Variants in LIMCH1 observed in about 807,000 individuals in gnomAD.
LIMCH1 encodes the protein LIM and calponin homology domains-containing protein 1.
Under a neutral mutation model 176.5 loss-of-function variants are expected in LIMCH1, and 113 were observed. The ratio of observed to expected loss-of-function variants is 0.64; its 90% CI spans 0.55 to 0.75. The LOEUF is 0.75. LIMCH1 is among the 30% of genes least tolerant of loss of function. The pLI is 0.00. For missense variants in LIMCH1, 1,674 were observed against 1,814.9 expected (o/e 0.92, Z 1.41); for synonymous variants, 619 against 645.9 (o/e 0.96, Z 0.63).
intron 1 of LIMCH1, among the ~76,000 whole-genome samples, chr4:41,478,033 A>G (rs888132649): frequency 2.6e-5 from 4 of 152,212 alleles, no homozygotes; most frequent in Non-Finnish European, 4.4e-5. Context: ...TCTGAGTACA[A>G]CTAAGTGGAA....
At chr4:41,680,405 G>A (rs1325823801) in intron 24 of LIMCH1, among the ~76,000 whole-genome samples, 1 of 152,178 alleles carries the variant, frequency 6.6e-6, no homozygotes, top group African/African-American at 2.4e-5. Flanking sequence ...GAAATAATCA[G>A]TTCCATTCAT....
At chr4:41,614,386 C>T (rs1326335954) in intron 5 of LIMCH1, among the ~76,000 whole-genome samples, 1 of 152,084 alleles carries the variant, frequency 6.6e-6, no homozygotes, top group Non-Finnish European at 1.5e-5. Context: ...TTATCTTGTA[C>T]CTTTGTACTT....
At chr4:41,376,163 A>G (rs1392288589) in intron 1 of LIMCH1, among the ~76,000 whole-genome samples, 1 of 152,168 alleles carries the variant, frequency 6.6e-6, no homozygotes, top group African/African-American at 2.4e-5. Flanking sequence ...TGTTAATAGA[A>G]CGAAATGTAC....
intron 1 of LIMCH1, among the ~76,000 whole-genome samples, chr4:41,593,511 T>TA (rs2152728985): frequency 6.6e-6 from 1 of 152,338 alleles, no homozygotes; most frequent in South Asian, 2.1e-4. Flanking sequence ...AATAGATTTT[T>TA]ACCAATGAAG....
At chr4:41,534,642 G>T (rs2152452746), upstream of LIMCH1, among the ~76,000 whole-genome samples, 1 of 152,292 alleles carries the variant, frequency 6.6e-6, no homozygotes, top group South Asian at 2.1e-4. Flanking sequence ...AATTGGACTA[G>T]GTTAATGGAT....
At chr4:41,685,675 T>C (rs768579144) in intron 27 of LIMCH1, 35 bp from the exon 28 acceptor site, 1 of 1,611,050 alleles carries the variant, frequency 6.2e-7, no homozygotes, top group South Asian at 1.1e-5. Flanking sequence ...GTGATTTTAC[T>C]GTGCACTACA....
At chr4:41,678,599 T>C (rs1713032135) in intron 23 of LIMCH1, among the ~76,000 whole-genome samples, 1 of 152,140 alleles carries the variant, frequency 6.6e-6, no homozygotes, top group African/African-American at 2.4e-5. Flanking sequence ...TGCCAAGGGG[T>C]GACCCTGGTA....
At chr4:41,555,730 A>G (rs949566847) in intron 1 of LIMCH1, among the ~76,000 whole-genome samples, 1 of 152,092 alleles carries the variant, frequency 6.6e-6, no homozygotes, top group Non-Finnish European at 1.5e-5. Flanking sequence ...CTGAGGTGAA[A>G]GACTGTAGAG....
intron 1 of LIMCH1, among the ~76,000 whole-genome samples, chr4:41,571,850 G>A (rs529476918): frequency 1.2e-3 from 186 of 152,224 alleles, no homozygotes; most frequent in African/African-American, 4.1e-3. Context: ...CAAGGATGTC[G>A]AAAACCATTG....
rs190312254 is a variant in LIMCH1 at position 41,573,456 on chromosome 4, T to C, written c.-240-25464T>C. ...CTCTGTATGTTGATATGTATGTAAATGACATGGTTGAGGTTACACTGTGCA... is the reference window on the plus strand; with the variant it reads ...CTCTGTATGTTGATATGTATGTAAACGACATGGTTGAGGTTACACTGTGCA... On this transcript the variant is annotated intron_variant, in intron 1 of 31. Coordinates refer to ENST00000503057, the MANE Select transcript of LIMCH1 (RefSeq NM_001330672.2). Among the ~76,000 whole-genome samples, 676 of 152,346 alleles carry C rather than the reference T, an allele frequency of 4.4e-3. 3 individuals are homozygous for C. The highest frequency in any genetic ancestry group is 0.016 in the African/African-American group (655 of 41,574).
intron 1 of LIMCH1, among the ~76,000 whole-genome samples, chr4:41,390,091 C>T (rs569495904): frequency 6.6e-6 from 1 of 152,188 alleles, no homozygotes; most frequent in South Asian, 2.1e-4. Flanking sequence ...CTACAGAGCA[C>T]ATGACATTCC....
rs969063428 is a variant in LIMCH1, at chr4:41,485,245, C to T, written c.97-9291C>T. Among the ~76,000 whole-genome samples, 3 of 152,184 alleles carry T rather than the reference C, an allele frequency of 2.0e-5. No individual in the cohort carries two copies. In the East Asian group the frequency reaches 5.8e-4, roughly 29 times the overall value. The stretch of plus-strand genomic sequence containing the variant: ...AGTCCTGTGGAAAGGAAATAGGATA[C>T]AGATGAGCTTCCTCAATAATTACTT... On this transcript the variant is annotated intron_variant, in intron 1 of 26. Transcript: ENST00000313860.
intron 1 of LIMCH1, among the ~76,000 whole-genome samples, chr4:41,418,127 C>T (rs998253362): frequency 6.6e-6 from 1 of 152,156 alleles, no homozygotes; most frequent in African/African-American, 2.4e-5. Context: ...ATTTGACTTT[C>T]ATTTATCATA....
rs78694876 is a variant in LIMCH1 at position 41,524,218 on chromosome 4, G to A, written c.168-191G>A. 8.2e-3 allele frequency among the ~76,000 whole-genome samples: 1,254 copies of A among 152,190 alleles called. 7 individuals carry two copies. Among genetic ancestry groups the A allele is most frequent in the South Asian group, 0.017 (82 of 4,818 alleles). ...TCTAAATTCTAAAACTTCACCTGCC[G>A]TGGACCAACTTGATGTTGGCAAAGC... On this transcript the variant is annotated intron_variant, in intron 2 of 26. Coordinates refer to the LIMCH1 transcript ENST00000313860.
intron 1 of LIMCH1, among the ~76,000 whole-genome samples, chr4:41,435,445 G>T (rs1453771437): frequency 6.6e-6 from 1 of 152,172 alleles, no homozygotes; most frequent in African/African-American, 2.4e-5. Context: ...CCCTAGAACT[G>T]TAAGAGTCAA....
chr4:41,400,049 T>G lies in LIMCH1; in HGVS notation c.96+39113T>G, dbSNP rs114742622. ...TTTTTTTGAGGAGGAAACTGAAGCT[T>G]AGAGAGATTACATTTCCTAAAGTCT... is the stretch of plus-strand genomic sequence containing the variant. On this transcript the variant is annotated intron_variant, in intron 1 of 26. Transcript: ENST00000313860. 1.9e-3 allele frequency among the ~76,000 whole-genome samples: 292 copies of G among 151,770 alleles called. 1 individual carries two copies. Among genetic ancestry groups the G allele is most frequent in the African/African-American group, 6.8e-3 (283 of 41,362 alleles).
intron 1 of LIMCH1, among the ~76,000 whole-genome samples, chr4:41,399,539 A>G (rs1196662145): frequency 6.6e-6 from 1 of 152,220 alleles, no homozygotes; most frequent in Non-Finnish European, 1.5e-5. Flanking sequence ...TGGACATTTC[A>G]AGAGAAGAGG....
chr4:41,428,620 C>G (rs1010726536), intron 1 of LIMCH1, among the ~76,000 whole-genome samples: 1 of 152,186 alleles, frequency 6.6e-6, no homozygotes, highest in African/African-American at 2.4e-5. Flanking sequence ...ATTTATCTCC[C>G]TATCGGTAAA....
chr4:41,692,157 T>C, intron 30 of LIMCH1, 125 bp from the exon 31 acceptor site: 1 of 662,372 alleles, frequency 1.5e-6, no homozygotes, highest in South Asian at 1.8e-5. Context: ...TTACACATAA[T>C]AGATGCTCCA....
Sources: gnomAD v4.1 joint callset for allele counts (sites outside exome capture counted in the v4.1 genomes callset) on GRCh38, gnomAD v4.1.1 for gene constraint, MANE v1.5 for transcripts, NCBI Gene and HGNC (gene_info 2026-07-23, HGNC 2026-07-21) for gene names.